Variants in ZCRB1 observed in about 807,000 individuals in gnomAD.
The protein encoded by ZCRB1 is zinc finger CCHC-type and RNA-binding motif-containing protein 1.
A neutral mutation model predicts 29.9 loss-of-function variants in ZCRB1; 21 were observed. The ratio of observed to expected loss-of-function variants is 0.70; its 90% CI spans 0.50 to 1.01. ZCRB1 has a LOEUF of 1.01. ZCRB1 is among the 50% of genes least tolerant of loss of function. ZCRB1 has a pLI of 0.00. For synonymous variants in ZCRB1, 77 were observed against 80.0 expected, an observed-to-expected ratio of 0.96 and a Z score of 0.20; for missense variants, 204 against 253.3, an observed-to-expected ratio of 0.81 and a Z score of 1.32.
chr12:42,317,666 G>C (rs552352266), intron 4 of ZCRB1, 121 bp downstream of exon 4: 1 of 890,932 alleles, frequency 1.1e-6, no homozygotes, highest in South Asian at 1.7e-5. Flanking sequence ...CTATAAGTTA[G>C]ATATCTTAAG....
chr12:42,322,531 T>G (rs989033295), intron 2 of ZCRB1, 85 bp from the exon 3 acceptor site: 2 of 1,299,684 alleles, frequency 1.5e-6, no homozygotes, highest in Non-Finnish European at 2.1e-6. Flanking sequence ...ACCAAATTCT[T>G]TGTTACAGTT....
intron 1 of ZCRB1, among the ~76,000 whole-genome samples, chr12:42,324,789 C>A (rs2068664079): frequency 6.6e-6 from 1 of 152,238 alleles, no homozygotes; most frequent in African/African-American, 2.4e-5. Context: ...CTCCTAACTT[C>A]CACTCAGACC....
intron 2 of ZCRB1, 32 bp downstream of exon 2, chr12:42,323,987 C>G (rs754334385): frequency 6.4e-7 from 1 of 1,565,638 alleles, no homozygotes; most frequent in East Asian, 2.2e-5. Context: ...ATCTGTATCT[C>G]AAATAGCAGT....
intron 3 of ZCRB1, among the ~76,000 whole-genome samples, chr12:42,322,183 T>C (rs913686280): frequency 1.3e-5 from 2 of 152,080 alleles, no homozygotes; most frequent in South Asian, 2.1e-4. Flanking sequence ...AAGACATTTA[T>C]GGTATGTCAA....
In ZCRB1 at chr12:42,312,492, A is replaced by G. The variant is rs1466516858; in HGVS notation, c.*575T>C. 4 of 152,196 alleles carry G rather than the reference A, an allele frequency of 2.6e-5. No homozygotes were observed. Among genetic ancestry groups the G allele is most frequent in the Non-Finnish European group, 5.9e-5 (4 of 68,028 alleles). 9.4% of individuals were successfully genotyped at this position (152,196 alleles called of 1,614,324 possible). Reference sequence around the variant, plus strand: ...ATATTGAGGAAGGTAGGAGAAGTATAAGAGATTGAATAATTCTCCTTTATT... The same window carrying G: ...ATATTGAGGAAGGTAGGAGAAGTATGAGAGATTGAATAATTCTCCTTTATT... On this transcript the variant is annotated 3_prime_UTR_variant, in exon 8 of 8. Coordinates refer to ENST00000266529, the MANE Select transcript of ZCRB1 (RefSeq NM_033114.4).
intron 3 of ZCRB1, among the ~76,000 whole-genome samples, chr12:42,318,963 G>A (rs2068608212): frequency 6.6e-6 from 1 of 152,132 alleles, no homozygotes; most frequent in Admixed American, 6.5e-5. Flanking sequence ...TGGAGGAGAT[G>A]GGAGGGAAGG....
At chr12:42,316,766 C>T (rs1427611125) in intron 5 of ZCRB1, among the ~76,000 whole-genome samples, 1 of 152,148 alleles carries the variant, frequency 6.6e-6, no homozygotes, top group East Asian at 1.9e-4. Context: ...TCTTGCAAGA[C>T]AGTGACATAA....
At chr12:42,320,896 C>T (rs2068618060) in intron 3 of ZCRB1, among the ~76,000 whole-genome samples, 1 of 152,190 alleles carries the variant, frequency 6.6e-6, no homozygotes, top group Non-Finnish European at 1.5e-5. Flanking sequence ...GGTAACCTGA[C>T]CAAGAAGTAA....
At position 42,317,466 on chromosome 12, in the gene ZCRB1, T is replaced by G. The variant is rs2068600486; in HGVS notation, c.226-19A>C. On this transcript the variant is annotated intron_variant, in intron 4 of 7. Transcript: ENST00000266529. ...CAAATAACTAAACAAGAGAAAAATG[T>G]AAATGTAGAATGTATTTCACTGAAA... is the stretch of plus-strand genomic sequence containing the variant. The G allele has an allele frequency of 1.3e-6, 2 of 1,536,908 alleles. No homozygotes were observed. Among genetic ancestry groups the G allele is most frequent in the African/African-American group, 2.8e-5 (2 of 72,440 alleles).
chr12:42,321,878 C>T (rs1002108059), intron 3 of ZCRB1, among the ~76,000 whole-genome samples: 1 of 152,016 alleles, frequency 6.6e-6, no homozygotes, highest in African/African-American at 2.4e-5. Flanking sequence ...TGTTCCTAAC[C>T]CTCAGCCCTG....
chr12:42,313,093 T>G lies in ZCRB1; in HGVS notation c.628A>C (p.Ser210Arg). The change falls in exon 8 of 8, where the codon AGT becomes CGT. Residue 210 changes from serine (S) to arginine (R), a missense_variant. Coordinates refer to ENST00000266529, the MANE Select transcript of ZCRB1 (RefSeq NM_033114.4). ...TAATCACTAAGTTCTTCCTCATCACTGAAATATGTGCTTTTCTTTATCCTT... is the reference window on the plus strand; with the variant it reads ...TAATCACTAAGTTCTTCCTCATCACGGAAATATGTGCTTTTCTTTATCCTT... ...RPRIKKSTYF[S>R]DEEELSD 1 of 1,609,614 alleles carries G rather than the reference T, an allele frequency of 6.2e-7. No homozygotes were observed. The highest frequency in any genetic ancestry group is 1.1e-5 in the South Asian group (1 of 89,456).
chr12:42,316,786 C>G (rs1276434040), intron 5 of ZCRB1, among the ~76,000 whole-genome samples: 2 of 152,272 alleles, frequency 1.3e-5, no homozygotes, highest in East Asian at 3.9e-4. Context: ...AGTAATCAGT[C>G]TAACACTTTT....
chr12:42,324,775 G>A (rs1035913054), intron 1 of ZCRB1, among the ~76,000 whole-genome samples: 2 of 152,212 alleles, frequency 1.3e-5, no homozygotes, highest in African/African-American at 4.8e-5. Context: ...AAACCCTGAG[G>A]CTACTCCTAA....
chr12:42,314,354 G>A, intron 5 of ZCRB1, among the ~76,000 whole-genome samples: 3 of 129,400 alleles, frequency 2.3e-5, no homozygotes, highest in Non-Finnish European at 4.7e-5. Flanking sequence ...GAGGTCTGGA[G>A]TTTGAGACCA....
At chr12:42,323,081 A>G (rs1328430350) in intron 2 of ZCRB1, among the ~76,000 whole-genome samples, 2 of 152,204 alleles carry the variant, frequency 1.3e-5, no homozygotes, top group African/African-American at 4.8e-5. Context: ...CTACAGTTCC[A>G]GCTCATTACC....
intron 3 of ZCRB1, among the ~76,000 whole-genome samples, chr12:42,320,534 C>A (rs1236836498): frequency 6.6e-6 from 1 of 151,986 alleles, no homozygotes; most frequent in Admixed American, 6.6e-5. Flanking sequence ...CACCTCCATC[C>A]GCCTCCTGGG....
rs1373580545 is a variant in ZCRB1 at position 42,318,656 on chromosome 12, TG to T, written c.114-759del. On this transcript the variant is annotated intron_variant, in intron 3 of 7. Coordinates refer to ENST00000266529, the MANE Select transcript of ZCRB1 (RefSeq NM_033114.4). Reference sequence around the variant, plus strand: ...AAAAACAATGTTCAACAGGGCTCTTTGGAGAAATAGCGGATTCCAAGGCTAC... The same window carrying T: ...AAAAACAATGTTCAACAGGGCTCTTTGAGAAATAGCGGATTCCAAGGCTAC... 3.9e-5 allele frequency among the ~76,000 whole-genome samples: 6 copies of T among 152,208 alleles called. No homozygotes were observed. In the East Asian group the frequency reaches 1.2e-3, roughly 29 times the overall value.
intron 3 of ZCRB1, among the ~76,000 whole-genome samples, chr12:42,321,390 C>T (rs1391167137): frequency 6.6e-6 from 1 of 152,144 alleles, no homozygotes; most frequent in East Asian, 1.9e-4. Flanking sequence ...GCTTCAGTTT[C>T]ATCATGTATA....
At chr12:42,319,638 T>C (rs1274356954) in intron 3 of ZCRB1, among the ~76,000 whole-genome samples, 2 of 152,246 alleles carry the variant, frequency 1.3e-5, no homozygotes, top group African/African-American at 4.8e-5. Flanking sequence ...TGTCAGTTTC[T>C]AATAGCTTCA....
Sources: gnomAD v4.1 joint callset for allele counts (sites outside exome capture counted in the v4.1 genomes callset) on GRCh38, gnomAD v4.1.1 for gene constraint, MANE v1.5 for transcripts, NCBI Gene and HGNC (gene_info 2026-07-23, HGNC 2026-07-21) for gene names.